FHIT: variants seen among roughly 807,000 people sequenced by gnomAD.
The protein encoded by FHIT is fragile histidine triad diadenosine triphosphatase, also known as bis(5'-adenosyl)-triphosphatase.
FHIT carries 19 observed loss-of-function variants against 17.9 expected under a neutral mutation model. That is an observed-to-expected ratio of 1.06 (90% CI 0.74 to 1.56). FHIT has a LOEUF of 1.56. Among genes scored for constraint, FHIT ranks in the 40% most tolerant of loss-of-function variants. The pLI is 0.00. For synonymous variants in FHIT, 81 were observed against 69.7 expected, an observed-to-expected ratio of 1.16 and a Z score of -0.81; for missense variants, 248 against 189.2, an observed-to-expected ratio of 1.31 and a Z score of -1.82.
chr3:60,070,588 G>C (rs1209583941), intron 5 of FHIT, among the ~76,000 whole-genome samples: 2 of 152,120 alleles, frequency 1.3e-5, no homozygotes, highest in African/African-American at 4.8e-5. Context: ...ACAAAGATTT[G>C]GGAGCTTTTG....
At position 59,865,850 on chromosome 3, in the gene FHIT, G is replaced by A. The variant is rs533495764; in HGVS notation, c.348+56496C>T. On this transcript the variant is annotated intron_variant, in intron 8 of 9. Transcript: ENST00000492590. ...TTGCATTCATCAAATTCAGAGTGGG[G>A]AGTGAGAGCCTGAGGTTCGGCAGAG... Among the ~76,000 whole-genome samples the A allele has an allele frequency of 2.0e-5, 3 of 152,282 alleles. No individual in the cohort carries two copies. The South Asian group carries it at 6.2e-4, about 32-fold the overall frequency.
At chr3:60,862,350 T>A (rs577520715) in intron 3 of FHIT, among the ~76,000 whole-genome samples, 1 of 152,182 alleles carries the variant, frequency 6.6e-6, no homozygotes, top group South Asian at 2.1e-4. Flanking sequence ...ATTTTTTTTA[T>A]AGAGACGCGG....
At chr3:60,378,525 A>G (rs1013948472) in intron 5 of FHIT, among the ~76,000 whole-genome samples, 15 of 152,158 alleles carry the variant, frequency 9.9e-5, no homozygotes, top group Non-Finnish European at 1.8e-4. Context: ...GGAGGTTGAA[A>G]TACCAATTCC....
intron 5 of FHIT, among the ~76,000 whole-genome samples, chr3:60,428,319 G>T (rs892151777): frequency 6.6e-6 from 1 of 152,088 alleles, no homozygotes; most frequent in African/African-American, 2.4e-5. Flanking sequence ...TCCAATCAAT[G>T]ATAACTGTTC....
chr3:59,889,735 G>A (rs1703772708), intron 8 of FHIT, among the ~76,000 whole-genome samples: 1 of 152,152 alleles, frequency 6.6e-6, no homozygotes, highest in South Asian at 2.1e-4. Flanking sequence ...AATAAATACA[G>A]TCTTTGGTGC....
At chr3:59,896,527 G>A (rs771628363) in intron 8 of FHIT, among the ~76,000 whole-genome samples, 37 of 152,200 alleles carry the variant, frequency 2.4e-4, no homozygotes, top group Non-Finnish European at 4.4e-4. Context: ...TTAACAGTTT[G>A]TTAGTATAAA....
At chr3:60,564,515 A>C (rs1470906742) in intron 4 of FHIT, among the ~76,000 whole-genome samples, 1 of 152,156 alleles carries the variant, frequency 6.6e-6, no homozygotes, top group African/African-American at 2.4e-5. Context: ...GAAAACCTGG[A>C]AAGGATTCAC....
At chr3:60,298,020 A>G (rs893851823) in intron 5 of FHIT, among the ~76,000 whole-genome samples, 1 of 152,100 alleles carries the variant, frequency 6.6e-6, no homozygotes, top group African/African-American at 2.4e-5. Flanking sequence ...TTACTTATGC[A>G]GATATACAAC....
At chr3:60,451,488 T>C (rs976420587) in intron 5 of FHIT, among the ~76,000 whole-genome samples, 1 of 152,102 alleles carries the variant, frequency 6.6e-6, no homozygotes, top group African/African-American at 2.4e-5. Flanking sequence ...AGAAAACTGA[T>C]ACTAGAAAAA....
At chr3:60,347,931 G>C (rs1710879038) in intron 5 of FHIT, among the ~76,000 whole-genome samples, 1 of 151,914 alleles carries the variant, frequency 6.6e-6, no homozygotes, top group Non-Finnish European at 1.5e-5. Context: ...GCTAATTTTT[G>C]CATTTTTACT....
At chr3:60,027,039 C>A (rs563707353) in intron 5 of FHIT, among the ~76,000 whole-genome samples, 1 of 151,438 alleles carries the variant, frequency 6.6e-6, no homozygotes, top group African/African-American at 2.4e-5. Flanking sequence ...GCAGAGCTTG[C>A]AGTGAGCCAA....
chr3:60,232,218 A>G (rs1293183508), intron 5 of FHIT, among the ~76,000 whole-genome samples: 1 of 152,158 alleles, frequency 6.6e-6, no homozygotes, highest in Non-Finnish European at 1.5e-5. Flanking sequence ...TGGGAAAAAT[A>G]AGGTCACTCT....
intron 3 of FHIT, among the ~76,000 whole-genome samples, chr3:60,976,201 G>C (rs1710243984): frequency 7.2e-6 from 1 of 139,620 alleles, no homozygotes; most frequent in South Asian, 2.3e-4. Context: ...CTACCTCCTG[G>C]GTTCAAGTGA....
At chr3:60,244,628 T>A (rs557429094) in intron 5 of FHIT, among the ~76,000 whole-genome samples, 1 of 152,048 alleles carries the variant, frequency 6.6e-6, no homozygotes, top group Non-Finnish European at 1.5e-5. Context: ...AATTTCTGAA[T>A]TGGGGCCTCA....
intron 8 of FHIT, among the ~76,000 whole-genome samples, chr3:59,915,631 A>G (rs552292448): frequency 6.6e-6 from 1 of 152,148 alleles, no homozygotes; most frequent in Admixed American, 6.5e-5. Context: ...GCTTCTCAAC[A>G]TTCCTCATTT....
chr3:60,742,283 C>A (rs2042255600), intron 4 of FHIT, among the ~76,000 whole-genome samples: 1 of 152,148 alleles, frequency 6.6e-6, no homozygotes, highest in Non-Finnish European at 1.5e-5. Flanking sequence ...AAACCTTCCT[C>A]TATCAGAGAA....
intron 4 of FHIT, among the ~76,000 whole-genome samples, chr3:60,785,926 CACACACACAG>C (rs1559720973): frequency 1.7e-5 from 2 of 119,484 alleles, no homozygotes; most frequent in Non-Finnish European, 3.8e-5. Flanking sequence ...CACACACACA[CACACACACAG>C]AGAGAGTACT....
chr3:60,889,923 T>C (rs7636351), intron 3 of FHIT, among the ~76,000 whole-genome samples: 41,935 of 152,022 alleles, frequency 0.28, 7,013 homozygotes, highest in African/African-American at 0.46. Context: ...AAGATATAGA[T>C]GTTTAAAAAT....
At chr3:60,097,022 A>AT (rs1161469228) in intron 5 of FHIT, among the ~76,000 whole-genome samples, 1 of 65,910 alleles carries the variant, frequency 1.5e-5, no homozygotes, top group African/African-American at 5.0e-5. Flanking sequence ...CTCTGTTATT[A>AT]TTAAAAAAAA....
Sources: gnomAD v4.1 joint callset for allele counts (sites outside exome capture counted in the v4.1 genomes callset) on GRCh38, gnomAD v4.1.1 for gene constraint, MANE v1.5 for transcripts, NCBI Gene and HGNC (gene_info 2026-07-23, HGNC 2026-07-21) for gene names.